Variants in KATNAL2 observed in about 807,000 individuals in gnomAD.
KATNAL2 encodes katanin p60 ATPase-containing subunit A-like 2.
In KATNAL2, 52 loss-of-function variants were observed where a neutral mutation model predicts 76.3. That is an observed-to-expected ratio of 0.68 (90% CI 0.55 to 0.86). KATNAL2 has a LOEUF of 0.86. Ranked by LOEUF, KATNAL2 falls within the 40% of genes least tolerant of loss-of-function variation. KATNAL2 has a pLI of 0.00. For missense variants in KATNAL2, 660 were observed against 668.9 expected (o/e 0.99, Z 0.15); for synonymous variants, 243 against 244.2 (o/e 1.00, Z 0.05).
intron 5 of KATNAL2, 53 bp from the exon 6 acceptor site, chr18:47,054,341 ACT>A: frequency 6.7e-7 from 1 of 1,489,158 alleles, no homozygotes; most frequent in South Asian, 1.2e-5. Flanking sequence ...GAAAAAAATC[ACT>A]TTGTCACTCT....
rs370223516 is a variant in KATNAL2 at position 47,052,929 on chromosome 18, C to T, written c.172C>T (p.Arg58Ter). Residue 58 changes from arginine (R) to a stop codon, truncating the protein, a stop_gained, in exon 5 of 18, where the codon CGA (arginine) becomes TGA (stop). Coordinates refer to ENST00000683218, the MANE Select transcript of KATNAL2 (RefSeq NM_001387690.1). LOFTEE classifies it high-confidence loss of function. The stretch of plus-strand genomic sequence containing the variant: ...GGAGCAAGAAACTAAACTGGGGTTA[C>T]GACGGTTTGAAGTTTGTGACAACAT... ...ALEQETKLGLRRFEVCDNIDL... is the reference protein window; with the variant it reads ...ALEQETKLGL 112 of 1,611,636 alleles carry T rather than the reference C, an allele frequency of 6.9e-5. No homozygotes were observed. Among genetic ancestry groups the T allele is most frequent in the East Asian group, 1.8e-4 (8 of 44,766 alleles).
intron 1 of KATNAL2, among the ~76,000 whole-genome samples, chr18:46,921,689 A>G (rs2058553924): frequency 6.7e-6 from 1 of 149,604 alleles, no homozygotes; most frequent in Non-Finnish European, 1.5e-5. Context: ...TGATAAACAC[A>G]TAACAAAAAA....
chr18:47,098,508 T>G (rs112457274), intron 15 of KATNAL2: 1 of 159,460 alleles, frequency 6.3e-6, no homozygotes, highest in Non-Finnish European at 1.4e-5. Context: ...TATCTCCTAC[T>G]GGGTCCCTCC....
In KATNAL2 at chr18:46,952,678, C is replaced by T. The variant is rs544902530; in HGVS notation, c.51+5755C>T. On this transcript the variant is annotated intron_variant, in intron 3 of 17. Coordinates refer to ENST00000683218, the MANE Select transcript of KATNAL2 (RefSeq NM_001387690.1). ...CCTTCTGAAGTGTTGGGATTACAGG[C>T]GTGAGCCACTGCCCCTGGCCCAGGT... 8.5e-5 allele frequency among the ~76,000 whole-genome samples: 13 copies of T among 152,116 alleles called. No homozygotes were observed. The East Asian group carries it at 1.9e-3, about 23-fold the overall frequency.
chr18:46,929,058 A>T (rs1259623730), intron 1 of KATNAL2, among the ~76,000 whole-genome samples: 1 of 152,098 alleles, frequency 6.6e-6, no homozygotes, highest in Non-Finnish European at 1.5e-5. Context: ...GGCCTCCCAA[A>T]GTGCCGGGAT....
intron 1 of KATNAL2, among the ~76,000 whole-genome samples, chr18:46,918,207 C>T (rs1186391497): frequency 1.3e-5 from 2 of 152,176 alleles, no homozygotes; most frequent in Non-Finnish European, 2.9e-5. Flanking sequence ...GATGGCCCCC[C>T]CGTAATGTGC....
chr18:46,957,698 GA>G, intron 3 of KATNAL2, among the ~76,000 whole-genome samples: 1 of 151,986 alleles, frequency 6.6e-6, no homozygotes, highest in East Asian at 1.9e-4. Flanking sequence ...AAGTATCTGG[GA>G]TTACAGGCAT....
At chr18:47,082,065 A>C (rs1445692332) in intron 15 of KATNAL2, among the ~76,000 whole-genome samples, 1 of 152,194 alleles carries the variant, frequency 6.6e-6, no homozygotes, top group African/African-American at 2.4e-5. Flanking sequence ...CAATATGTAC[A>C]AATACTGCAT....
At chr18:47,034,731 G>T (rs983390452) in intron 3 of KATNAL2, 2 of 1,613,020 alleles carry the variant, frequency 1.2e-6, no homozygotes, top group Admixed American at 3.3e-5. Context: ...CGGGCATCCG[G>T]AGGGGAGCTG....
chr18:47,099,429 C>T (rs767624578), intron 16 of KATNAL2, 24 bp downstream of exon 16: 5 of 1,589,170 alleles, frequency 3.1e-6, no homozygotes, highest in Non-Finnish European at 4.3e-6. Flanking sequence ...GAGAGGGGCA[C>T]ATGTAGGTCA....
intron 4 of KATNAL2, among the ~76,000 whole-genome samples, chr18:47,048,895 C>T (rs1427650981): frequency 1.6e-5 from 2 of 125,718 alleles, no homozygotes; most frequent in African/African-American, 6.2e-5. Context: ...AGTGCAATGG[C>T]GCGATCTCGG....
intron 4 of KATNAL2, among the ~76,000 whole-genome samples, chr18:47,051,251 C>T (rs2061332571): frequency 6.6e-6 from 1 of 151,972 alleles, no homozygotes; most frequent in Non-Finnish European, 1.5e-5. Flanking sequence ...CACAGCAAGA[C>T]CGCATCTCTA....
At chr18:46,920,994 T>C (rs1159952086) in intron 1 of KATNAL2, among the ~76,000 whole-genome samples, 1 of 152,254 alleles carries the variant, frequency 6.6e-6, no homozygotes, top group Non-Finnish European at 1.5e-5. Flanking sequence ...TAAAATGTTT[T>C]AGTGCTCTTT....
intron 1 of KATNAL2, among the ~76,000 whole-genome samples, chr18:46,923,355 A>C (rs1041906943): frequency 2.6e-5 from 4 of 151,896 alleles, no homozygotes; most frequent in African/African-American, 9.7e-5. Context: ...TTTGCTGAGA[A>C]TGATGGTTTC....
At chr18:47,066,009 A>T (rs866278715) in intron 10 of KATNAL2, among the ~76,000 whole-genome samples, 77 of 151,852 alleles carry the variant, frequency 5.1e-4, no homozygotes, top group Middle Eastern at 3.4e-3. Context: ...TTTAAAAAAA[A>T]TTTTAAAAAA....
chr18:47,037,873 G>T (rs1211399554), intron 3 of KATNAL2, among the ~76,000 whole-genome samples: 1 of 150,038 alleles, frequency 6.7e-6, no homozygotes, highest in African/African-American at 2.5e-5. Context: ...TATTAGAGAT[G>T]GGAGTCTCCC....
intron 1 of KATNAL2, among the ~76,000 whole-genome samples, chr18:46,943,425 G>T (rs2059302046): frequency 1.3e-5 from 2 of 152,156 alleles, no homozygotes; most frequent in African/African-American, 2.4e-5. Context: ...GATAAAACAG[G>T]TTGCAGTAAA....
At chr18:47,058,655 G>A (rs1262176051) in intron 7 of KATNAL2, among the ~76,000 whole-genome samples, 1 of 151,710 alleles carries the variant, frequency 6.6e-6, no homozygotes, top group East Asian at 1.9e-4. Context: ...AGGCCTGGTT[G>A]CCTTGATCCT....
intron 3 of KATNAL2, chr18:47,033,139 C>T (rs759800111): frequency 7.4e-6 from 12 of 1,613,938 alleles, no homozygotes; most frequent in African/African-American, 4.0e-5. Context: ...GGGGTTGGCC[C>T]GCTTCTCAGG....
Sources: gnomAD v4.1 joint callset for allele counts (sites outside exome capture counted in the v4.1 genomes callset) on GRCh38, gnomAD v4.1.1 for gene constraint, MANE v1.5 for transcripts, NCBI Gene and HGNC (gene_info 2026-07-23, HGNC 2026-07-21) for gene names.